The following RPUSD1 variants were observed in gnomAD, a reference collection of about 807,000 sequenced individuals.
RPUSD1 encodes the protein RNA pseudouridine synthase domain containing 1.
RPUSD1 carries 28 observed loss-of-function variants against 22.4 expected under a neutral mutation model. The ratio of observed to expected loss-of-function variants is 1.25; its 90% CI spans 0.93 to 1.72. The LOEUF (loss-of-function observed/expected upper bound fraction) is 1.72, where lower values mean the gene tolerates loss of function less well. RPUSD1 is among the 40% of genes most tolerant of loss of function. RPUSD1 has a pLI of 0.00. For synonymous variants in RPUSD1, 298 were observed against 201.0 expected (o/e 1.48, Z -4.08); for missense variants, 596 against 442.2 (o/e 1.35, Z -3.12).
At position 787,893 on chromosome 16, in the gene RPUSD1, C is replaced by T. The variant is rs1219197218; in HGVS notation, c.-7-149G>A. 4.2e-5 allele frequency: 30 copies of T among 718,248 alleles called. No homozygotes were observed. In the Admixed American group the frequency reaches 8.1e-4, roughly 19 times the overall value. 44.5% of individuals were successfully genotyped at this position (718,248 alleles called of 1,614,324 possible). A position where few individuals can be genotyped will look rare whatever the true frequency, so the allele number is the denominator to read the frequency against. On this transcript the variant is annotated intron_variant, in intron 1 of 5. Transcript: ENST00000007264. Reference sequence around the variant, plus strand: ...CCTACTGTGCACCTGCATCCTCAGTCCCCGAGATCAGTCCCCAGGGCGTCA... The same window carrying T: ...CCTACTGTGCACCTGCATCCTCAGTTCCCGAGATCAGTCCCCAGGGCGTCA...
At chr16:788,197 T>C (rs778010794) in intron 1 of RPUSD1, 59 bp downstream of exon 1, 79 of 404,898 alleles carry the variant, frequency 2.0e-4, no homozygotes, top group Middle Eastern at 7.6e-4. Context: ...ACAGGCCCGG[T>C]GGGCAGGCCG....
intron 5 of RPUSD1, 75 bp downstream of exon 5, chr16:786,752 C>T (rs1429995214): frequency 3.2e-6 from 4 of 1,243,388 alleles, no homozygotes; most frequent in East Asian, 2.3e-5. Context: ...TCAGGGTGGC[C>T]CAACATAAGC....
At chr16:787,262 A>G (rs910723944) in intron 3 of RPUSD1, 83 bp from the exon 4 acceptor site, 1 of 1,544,724 alleles carries the variant, frequency 6.5e-7, no homozygotes, top group South Asian at 1.2e-5. Flanking sequence ...GCAACCACGT[A>G]GAGCGTGGTG....
chr16:788,045 G>A (rs1403492037), intron 1 of RPUSD1: 1 of 527,766 alleles, frequency 1.9e-6, no homozygotes, highest in South Asian at 1.9e-5. Context: ...CCCTCCAGGG[G>A]ATGCACGTGA....
intron 5 of RPUSD1, 200 bp downstream of exon 5, chr16:786,627 C>T (rs1264523746): frequency 1.5e-5 from 11 of 734,374 alleles, no homozygotes; most frequent in Non-Finnish European, 2.2e-5. Context: ...CCAGCCAGAC[C>T]CCCAAGGAAT....
In RPUSD1 at chr16:785,820, C is replaced by A. The variant is rs1051760595; in HGVS notation, c.*130G>T. 4.7e-6 allele frequency: 4 copies of A among 848,214 alleles called. No individual in the cohort carries two copies. Among genetic ancestry groups the A allele is most frequent in the Non-Finnish European group, 6.5e-6 (4 of 614,006 alleles). 52.5% of individuals were successfully genotyped at this position (848,214 alleles called of 1,614,324 possible). ...CTCAGCCCTTCCTCGCAGGCCTGGC[C>A]GGGGCAACCCAGTGGGCCTGATGCT... is the stretch of plus-strand genomic sequence containing the variant. On this transcript the variant is annotated 3_prime_UTR_variant, in exon 6 of 6. Coordinates refer to ENST00000007264, the MANE Select transcript of RPUSD1 (RefSeq NM_058192.3).
In RPUSD1 at chr16:787,607, A is replaced by G. The variant is rs773402659; in HGVS notation, c.131T>C (p.Leu44Pro). 6.2e-7 allele frequency: 1 copy of G among 1,611,662 alleles called. No homozygotes were observed. The highest frequency in any genetic ancestry group is 8.5e-7 in the Non-Finnish European group (1 of 1,179,940). The change falls in exon 2 of 6, where the codon CTG (leucine) becomes CCG (proline). Residue 44 changes from leucine to proline, a missense_variant. Physicochemically the swap from Leu to Pro is moderately conservative, Grantham distance 98 (BLOSUM62 -3). Transcript: ENST00000007264. ...GGCCAGCTCGGGAAAGCGGTACCGC[A>G]GCTGCTTCTGCAGGGTCAGAGTCTC... The part of the protein sequence containing the change: ...WRETLTLQKQ[L>P]RYRFPELADP...
At chr16:787,812 T>G in intron 1 of RPUSD1, 68 bp from the exon 2 acceptor site, 2 of 1,504,012 alleles carry the variant, frequency 1.3e-6, no homozygotes, top group Non-Finnish European at 1.8e-6. Flanking sequence ...CATACAGAGG[T>G]ACCCGCACCG....
In RPUSD1 at chr16:788,340, G is replaced by A. The variant is rs1208888943; in HGVS notation, c.-92C>T. ...CGCGCCCGCGCGCTGGCGACCCAGAGACCCTGGAAGCTCCGCTCCGGACGC... is the reference window on the plus strand; with the variant it reads ...CGCGCCCGCGCGCTGGCGACCCAGAAACCCTGGAAGCTCCGCTCCGGACGC... On this transcript the variant is annotated 5_prime_UTR_variant, in exon 1 of 6. Coordinates refer to ENST00000007264, the MANE Select transcript of RPUSD1 (RefSeq NM_058192.3). The A allele has an allele frequency of 2.9e-5, 6 of 205,064 alleles. No homozygotes were observed. Among genetic ancestry groups the A allele is most frequent in the African/African-American group, 1.2e-4 (5 of 41,090 alleles). The allele number at this position is 205,064 out of a possible 1,614,324, so 12.7% of individuals were successfully genotyped here. A position where few individuals can be genotyped will look rare whatever the true frequency, so the allele number is the denominator to read the frequency against.
intron 3 of RPUSD1, 81 bp from the exon 4 acceptor site, chr16:787,260 G>A (rs990357613): frequency 5.4e-5 from 84 of 1,547,140 alleles, no homozygotes; most frequent in Non-Finnish European, 6.7e-5. Context: ...AAGCAACCAC[G>A]TAGAGCGTGG....
In RPUSD1 at chr16:785,744, T is replaced by G; in HGVS notation, c.*206A>C. On this transcript the variant is annotated 3_prime_UTR_variant, in exon 6 of 6. Coordinates refer to ENST00000007264, the MANE Select transcript of RPUSD1 (RefSeq NM_058192.3). Reference sequence around the variant, plus strand: ...TCCCGCATCAGTCCCACGGCCGCGGTGCGGTCGTCACCTGTGATCACGGCT... The same window carrying G: ...TCCCGCATCAGTCCCACGGCCGCGGGGCGGTCGTCACCTGTGATCACGGCT... 2.3e-6 allele frequency: 1 copy of G among 427,872 alleles called. No individual in the cohort carries two copies. The allele number at this position is 427,872 out of a possible 1,614,324, so 26.5% of individuals were successfully genotyped here.
chr16:786,321 C>T lies in RPUSD1; in HGVS notation c.568G>A (p.Asp190Asn), dbSNP rs201193190. 626 of 1,612,582 alleles carry T rather than the reference C, an allele frequency of 3.9e-4. 4 individuals are homozygous for T. The highest frequency in any genetic ancestry group is 4.0e-5 in the African/African-American group (3 of 75,042). Residue 190 changes from aspartate to asparagine, a missense_variant, in exon 6 of 6, where the codon GAC (aspartate) becomes AAC (asparagine). Asp to Asn is a conservative substitution (Grantham distance 23). Coordinates refer to ENST00000007264, the MANE Select transcript of RPUSD1 (RefSeq NM_058192.3). ...CCCGAGACTTCTCCGTAGGTCAGGT[C>T]GCCCACCACGGGGTGGCCCAGGGCA... The part of the protein sequence containing the change: ...CSALGHPVVG[D>N]LTYGEVSGRE...
At chr16:786,499 G>T in intron 5 of RPUSD1, 122 bp from the exon 6 acceptor site, 1 of 954,234 alleles carries the variant, frequency 1.0e-6, no homozygotes, top group Non-Finnish European at 1.6e-6. Context: ...TCTTGGGGTG[G>T]AACTCTCCCT....
chr16:787,717 C>T lies in RPUSD1; in HGVS notation c.21G>A (p.Glu7=). The T allele has an allele frequency of 1.2e-6, 2 of 1,611,104 alleles. No individual in the cohort carries two copies. Among genetic ancestry groups the T allele is most frequent in the Non-Finnish European group, 1.7e-6 (2 of 1,179,864 alleles). Residue 7 remains glutamate (E), a synonymous_variant, in exon 2 of 6, where the codon GAG becomes GAA. Coordinates refer to ENST00000007264, the MANE Select transcript of RPUSD1 (RefSeq NM_058192.3). MEPGSV[E]NLSIVYRSRD... is the part of the protein sequence containing the mutation. ...GGCTCCGGTACACGATGGACAGGTTCTCCACGCTGCCTGGCTCCATGGCCG... is the reference window on the plus strand; with the variant it reads ...GGCTCCGGTACACGATGGACAGGTTTTCCACGCTGCCTGGCTCCATGGCCG...
intron 5 of RPUSD1, 82 bp downstream of exon 5, chr16:786,745 G>A (rs868301861): frequency 8.9e-7 from 1 of 1,129,840 alleles, no homozygotes; most frequent in Non-Finnish European, 1.4e-6. Context: ...CTGATGCTCA[G>A]GGTGGCCCAA....
chr16:786,701 T>A, intron 5 of RPUSD1, 126 bp downstream of exon 5: 1 of 848,504 alleles, frequency 1.2e-6, no homozygotes. Context: ...GGCGTGGAGT[T>A]AAGAACGCAG....
chr16:786,475 G>A (rs1216800758), intron 5 of RPUSD1, 98 bp from the exon 6 acceptor site: 2 of 1,234,978 alleles, frequency 1.6e-6, no homozygotes, highest in Non-Finnish European at 2.3e-6. Flanking sequence ...CCCCGCTGCA[G>A]TCTTGAAGCA....
chr16:786,584 G>A (rs967321375), intron 5 of RPUSD1: 7 of 746,878 alleles, frequency 9.4e-6, no homozygotes, highest in African/African-American at 1.7e-5. Flanking sequence ...TGAGGACAGG[G>A]CCAGGGTGGT....
rs2041955885 is a variant in RPUSD1 at position 787,065 on chromosome 16, T to C, written c.409+12A>G. 6.2e-7 allele frequency: 1 copy of C among 1,601,146 alleles called. No individual in the cohort carries two copies. Among genetic ancestry groups the C allele is most frequent in the Non-Finnish European group, 8.5e-7 (1 of 1,175,260 alleles). On this transcript the variant is annotated intron_variant, in intron 4 of 5. Coordinates refer to ENST00000007264, the MANE Select transcript of RPUSD1 (RefSeq NM_058192.3). ...CCACGATGCCCGCCCGGTGGGTCCC[T>C]GCCTGCCACACCCTGCGAGCCCTCG...
Sources: allele counts gnomAD v4.1 joint callset, GRCh38; gene constraint gnomAD v4.1.1; transcripts MANE v1.5; gene names NCBI Gene and HGNC (gene_info 2026-07-23, HGNC 2026-07-21).